The following LRP12 variants were observed in gnomAD, a reference collection of about 807,000 sequenced individuals.
The protein encoded by LRP12 is LDL receptor related protein 12.
In LRP12, 14 loss-of-function variants were observed where a neutral mutation model predicts 66.0. That is an observed-to-expected ratio of 0.21 (90% CI 0.14 to 0.33). LRP12 has a LOEUF of 0.33. Among genes scored for constraint, LRP12 ranks in the 10% least tolerant of loss-of-function variants. LRP12 has a pLI of 1.00. For missense variants in LRP12, 889 were observed against 1,053.4 expected, an observed-to-expected ratio of 0.84 and a Z score of 2.16; for synonymous variants, 357 against 359.1, an observed-to-expected ratio of 0.99 and a Z score of 0.07.
At position 104,491,040 on chromosome 8, in the gene LRP12, C is replaced by A. The variant is rs769026523; in HGVS notation, c.2213G>T (p.Arg738Leu). Residue 738 changes from arginine to leucine, a missense_variant, in exon 7 of 7, where the codon CGC becomes CTC. Transcript: ENST00000276654. ...SALSRMTQGL[R>L]WVRFTLGRSS... is the part of the protein sequence containing the mutation. ...TCGTCCTAATGTAAAACGTACCCAG[C>A]GTAGCCCCTGAGTCATACGACTGAG... 2.5e-5 allele frequency: 41 copies of A among 1,614,018 alleles called. No individual in the cohort carries two copies. Among genetic ancestry groups the A allele is most frequent in the Non-Finnish European group, 3.4e-5 (40 of 1,180,018 alleles).
chr8:104,587,429 C>T (rs1048773153), intron 1 of LRP12, among the ~76,000 whole-genome samples: 1 of 152,116 alleles, frequency 6.6e-6, no homozygotes, highest in Non-Finnish European at 1.5e-5. Context: ...AATCAAAAGT[C>T]GTGTACTGGG....
intron 1 of LRP12, among the ~76,000 whole-genome samples, chr8:104,540,794 C>T (rs1811464567): frequency 6.6e-6 from 1 of 152,176 alleles, no homozygotes; most frequent in African/African-American, 2.4e-5. Context: ...AGTGCTGTGG[C>T]ACGATCTCAG....
intron 1 of LRP12, among the ~76,000 whole-genome samples, chr8:104,565,551 T>C (rs373416157): frequency 4.9e-4 from 75 of 152,136 alleles, no homozygotes; most frequent in African/African-American, 1.7e-3. Context: ...GTTTTAGCTG[T>C]GTACCCATAA....
chr8:104,568,696 T>A (rs745561003), intron 1 of LRP12, among the ~76,000 whole-genome samples: 16 of 151,922 alleles, frequency 1.1e-4, no homozygotes, highest in Non-Finnish European at 2.1e-4. Flanking sequence ...TCAGTACCCA[T>A]TAGGGAGATG....
intron 2 of LRP12, among the ~76,000 whole-genome samples, chr8:104,515,207 C>G (rs1247596933): frequency 1.3e-5 from 2 of 152,184 alleles, no homozygotes; most frequent in Admixed American, 1.3e-4. Flanking sequence ...TAAAATACAT[C>G]AAACTTGACC....
chr8:104,537,721 T>C (rs114457860), intron 1 of LRP12, among the ~76,000 whole-genome samples: 4,734 of 152,208 alleles, frequency 0.031, 246 homozygotes, highest in African/African-American at 0.11. Context: ...CATATAGATA[T>C]ATGACCTAAC....
chr8:104,514,123 G>T (rs1435554299), intron 2 of LRP12, among the ~76,000 whole-genome samples: 4 of 152,140 alleles, frequency 2.6e-5, no homozygotes, highest in African/African-American at 9.7e-5. Flanking sequence ...GGAAATTTCA[G>T]TCAGAAATTG....
At chr8:104,579,593 T>C (rs1438777641) in intron 1 of LRP12, among the ~76,000 whole-genome samples, 1 of 152,110 alleles carries the variant, frequency 6.6e-6, no homozygotes, top group Non-Finnish European at 1.5e-5. Flanking sequence ...AAAATTCATA[T>C]AGAACCAAAA....
Position 104,495,184 on chromosome 8 carries a change from C to T in LRP12, c.1606G>A (p.Val536Met). ...TCTCTTCTTAACAATTCTGCTTCCA[C>T]TCTTGACAACTGTGTTTCAAATGAT... ...RRSFETQLSR[V>M]EAELLRREAP... Residue 536 changes from valine to methionine, a missense_variant, in exon 6 of 7, where the codon GTG becomes ATG. This residue lies in a region of LRP12 where 800 missense variants were observed against 964.5 expected (regional missense o/e 0.83). Transcript: ENST00000276654. 1 of 1,613,660 alleles carries T rather than the reference C, an allele frequency of 6.2e-7. No individual in the cohort carries two copies. The highest frequency in any genetic ancestry group is 8.5e-7 in the Non-Finnish European group (1 of 1,179,790).
intron 2 of LRP12, among the ~76,000 whole-genome samples, chr8:104,509,953 G>C (rs1262110273): frequency 6.6e-6 from 1 of 152,172 alleles, no homozygotes; most frequent in Non-Finnish European, 1.5e-5. Context: ...TCATAGATAA[G>C]GAGGGACTAC....
intron 1 of LRP12, among the ~76,000 whole-genome samples, chr8:104,584,444 T>G (rs61420349): frequency 0.012 from 1,855 of 152,194 alleles, 35 homozygotes; most frequent in African/African-American, 0.042. Flanking sequence ...CTTGTTCCCT[T>G]AATATTTTAA....
At position 104,588,911 on chromosome 8, in the gene LRP12, G is replaced by T. The variant is rs369121650; in HGVS notation, c.-14C>A. On this transcript the variant is annotated 5_prime_UTR_variant, in exon 1 of 7. Coordinates refer to ENST00000276654, the MANE Select transcript of LRP12 (RefSeq NM_013437.5). ...GCGACAGGCCATAACCACAGCAGAT[G>T]GAGAGAGAGAGGAGGAGACGGAGGA... is the stretch of plus-strand genomic sequence containing the variant. The T allele has an allele frequency of 1.1e-5, 17 of 1,593,146 alleles. No individual in the cohort carries two copies. The highest frequency in any genetic ancestry group is 1.4e-5 in the Non-Finnish European group (16 of 1,168,300).
intron 1 of LRP12, among the ~76,000 whole-genome samples, chr8:104,535,716 T>C (rs1325897218): frequency 1.3e-5 from 2 of 152,016 alleles, no homozygotes; most frequent in Admixed American, 1.3e-4. Flanking sequence ...AGTAACTGCG[T>C]GGATTGAACA....
chr8:104,496,777 CTAAA>C (rs1342557266), intron 5 of LRP12, among the ~76,000 whole-genome samples, 191 bp downstream of exon 5: 2 of 152,106 alleles, frequency 1.3e-5, no homozygotes, highest in South Asian at 2.1e-4. Flanking sequence ...TCTCATAACT[CTAAA>C]TATTTAGTTT....
chr8:104,577,810 C>CAAAAA (rs34298645), intron 1 of LRP12, among the ~76,000 whole-genome samples: 2 of 111,120 alleles, frequency 1.8e-5, no homozygotes, highest in East Asian at 2.7e-4. Context: ...GACTCCATCT[C>CAAAAA]AAAAAAAAAA....
At chr8:104,548,138 TA>T (rs1811632765) in intron 1 of LRP12, among the ~76,000 whole-genome samples, 2 of 96,336 alleles carry the variant, frequency 2.1e-5, no homozygotes, top group African/African-American at 9.7e-5. Context: ...TATATAATTA[TA>T]ATTATATTAT....
In LRP12 at chr8:104,491,321, G is replaced by T. The variant is rs898605806; in HGVS notation, c.1932C>A (p.His644Gln). 4 of 1,613,998 alleles carry T rather than the reference G, an allele frequency of 2.5e-6. No homozygotes were observed. The highest frequency in any genetic ancestry group is 3.4e-6 in the Non-Finnish European group (4 of 1,180,014). ...CAGACTCCACGGAAAACAAACTTCT[G>T]TGAGTATGATTTCTCTCAGGTTCTC... ...TSREPERNHT[H>Q]RSLFSVESDD... The change falls in exon 7 of 7, where the codon CAC becomes CAA. Residue 644 changes from histidine to glutamine, a missense_variant. This residue lies in a region of LRP12 where 800 missense variants were observed against 964.5 expected (regional missense o/e 0.83). Coordinates refer to ENST00000276654, the MANE Select transcript of LRP12 (RefSeq NM_013437.5).
At chr8:104,580,177 G>A (rs535876820) in intron 1 of LRP12, among the ~76,000 whole-genome samples, 7 of 152,100 alleles carry the variant, frequency 4.6e-5, no homozygotes, top group South Asian at 2.1e-4. Context: ...TGCAAACTAC[G>A]CATCTGACAA....
chr8:104,548,185 T>TATATA (rs1393316805), intron 1 of LRP12, among the ~76,000 whole-genome samples: 7,105 of 103,138 alleles, frequency 0.069, 344 homozygotes, highest in Non-Finnish European at 0.075. Context: ...TAATATATAA[T>TATATA]ATATATATAA....
Sources: allele counts gnomAD v4.1 joint callset (sites outside exome capture counted in the v4.1 genomes callset), GRCh38; gene constraint gnomAD v4.1.1; regional missense constraint gnomAD v4.1.1; transcripts MANE v1.5; gene names NCBI Gene and HGNC (gene_info 2026-07-23, HGNC 2026-07-21).